The following ZNF785 variants were observed in gnomAD, a reference collection of about 807,000 sequenced individuals.
The protein encoded by ZNF785 is zinc finger protein 785.
In ZNF785, 15 loss-of-function variants were observed where a neutral mutation model predicts 11.3. The ratio of observed to expected loss-of-function variants is 1.32; its 90% CI spans 0.89 to 2.04. The LOEUF (loss-of-function observed/expected upper bound fraction) is 2.04. Ranked by LOEUF, ZNF785 falls within the 30% of genes most tolerant of loss-of-function variation. ZNF785 has a pLI of 0.00. For missense variants in ZNF785, 572 were observed against 560.9 expected (o/e 1.02, Z -0.20); for synonymous variants, 221 against 231.0 (o/e 0.96, Z 0.39).
At position 30,581,488 on chromosome 16, in the gene ZNF785, C is replaced by T. The variant is rs1284833234; in HGVS notation, c.*1072G>A. 5 of 150,970 alleles carry T rather than the reference C, an allele frequency of 3.3e-5. No homozygotes were observed. Among genetic ancestry groups the T allele is most frequent in the Admixed American group, 1.3e-4 (2 of 15,090 alleles). The allele number at this position is 150,970 out of a possible 1,614,324, so 9.4% of individuals were successfully genotyped here. ...AAAAAAAAAAAAAAAAAGAATCCTC[C>T]GGCATTATATCTCCAGCTACTGTGG... On this transcript the variant is annotated 3_prime_UTR_variant, in exon 3 of 3. Coordinates refer to ENST00000395216, the MANE Select transcript of ZNF785 (RefSeq NM_152458.7).
Position 30,585,555 on chromosome 16 carries a change from C to A in ZNF785, c.57G>T (p.Arg19=), listed in dbSNP as rs574721116. The A allele has an allele frequency of 2.5e-5, 39 of 1,559,960 alleles. No homozygotes were observed. Among genetic ancestry groups the A allele is most frequent in the Middle Eastern group, 1.7e-4 (1 of 6,004 alleles). The change falls in exon 1 of 3, where the codon CGG becomes CGT. Residue 19 remains arginine (R), a synonymous_variant. Coordinates refer to ENST00000395216, the MANE Select transcript of ZNF785 (RefSeq NM_152458.7). The surrounding 1 kb of genome is among the most constrained non-coding windows in gnomAD (Gnocchi z 4.0). ...CGCCCGGCCTGCTTTCCCTCGTCCT[C>A]CGGGGCCCGGCCTCCCCGGGTACGT... is the stretch of plus-strand genomic sequence containing the variant. ...PAHVPGEAGP[R]RTRESRPGAV...
In ZNF785 at chr16:30,582,539, G is replaced by T; in HGVS notation, c.*21C>A. 6.2e-7 allele frequency: 1 copy of T among 1,611,856 alleles called. No individual in the cohort carries two copies. The highest frequency in any genetic ancestry group is 1.1e-5 in the South Asian group (1 of 90,944). On this transcript the variant is annotated 3_prime_UTR_variant, in exon 3 of 3. Coordinates refer to ENST00000395216, the MANE Select transcript of ZNF785 (RefSeq NM_152458.7). ...GCCTCTTCCTCTCCAGGGAAACGCT[G>T]ACCAGTTTGTGTGAACGCCATCACC...
Position 30,585,146 on chromosome 16 carries a change from TG to T in ZNF785, c.309del (p.Phe103LeufsTer21). Reference sequence around the variant, plus strand: ...CCTGCTTCCTGTCCTTGGCCCCTGCTGAAAGCTGCAGAGCTCTCACCGTCGG... The same window carrying T: ...CCTGCTTCCTGTCCTTGGCCCCTGCTAAAGCTGCAGAGCTCTCACCGTCGG... The part of the protein sequence containing the change: ...QDPDGESSAA[F>X]SRGQGQEAGS... On this transcript the variant is annotated frameshift_variant, in exon 2 of 3. Coordinates refer to ENST00000395216, the MANE Select transcript of ZNF785 (RefSeq NM_152458.7). LOFTEE classifies it low-confidence loss of function (END_TRUNC). This position sits in a 1 kb window ranked among gnomAD's most constrained non-coding sequence, Gnocchi z 4.0. 6.2e-7 allele frequency: 1 copy of T among 1,613,490 alleles called. No homozygotes were observed. The highest frequency in any genetic ancestry group is 8.5e-7 in the Non-Finnish European group (1 of 1,179,542).
rs940561128 is a variant in ZNF785 at position 30,585,040 on chromosome 16, G to A, written c.334+82C>T. The A allele has an allele frequency of 7.9e-6, 12 of 1,522,048 alleles. No homozygotes were observed. The highest frequency in any genetic ancestry group is 3.6e-4 in the Middle Eastern group (2 of 5,536). 94.3% of individuals were successfully genotyped at this position (1,522,048 alleles called of 1,614,324 possible). ...CAGGGAGACAGGATGGGACTTTGGA[G>A]GGGGCAGCCTGCGCTGAGGATGTGA... On this transcript the variant is annotated intron_variant, in intron 2 of 2. Coordinates refer to ENST00000395216, the MANE Select transcript of ZNF785 (RefSeq NM_152458.7). The surrounding 1 kb of genome is among the most constrained non-coding windows in gnomAD (Gnocchi z 4.0).
At position 30,585,398 on chromosome 16, in the gene ZNF785, C is replaced by G. The variant is rs1234725328; in HGVS notation, c.205+9G>C. ...GACTGGGGGTCCCGGCCGGAGGGCC[C>G]GGCCTCACCCAGCGCGCCCAGGTGG... On this transcript the variant is annotated intron_variant, in intron 1 of 2. Transcript: ENST00000395216. The surrounding 1 kb of genome is among the most constrained non-coding windows in gnomAD (Gnocchi z 4.0). 1.3e-6 allele frequency: 2 copies of G among 1,581,228 alleles called. No individual in the cohort carries two copies. The highest frequency in any genetic ancestry group is 1.7e-6 in the Non-Finnish European group (2 of 1,165,354).
At position 30,583,076 on chromosome 16, in the gene ZNF785, C is replaced by T. The variant is rs1183826966; in HGVS notation, c.702G>A (p.Gly234=). The T allele has an allele frequency of 1.3e-6, 2 of 1,599,368 alleles. No homozygotes were observed. Among genetic ancestry groups the T allele is most frequent in the Non-Finnish European group, 1.7e-6 (2 of 1,175,222 alleles). The change falls in exon 3 of 3, where the codon GGG becomes GGA. Residue 234 remains glycine (G), a synonymous_variant. Transcript: ENST00000395216. ...GEKPYPCPDC[G]RRFRQRGSLA... is the part of the protein sequence containing the mutation. ...GGGAACCCCTCTGGCGGAAGCGGCG[C>T]CCGCAGTCGGGGCAGGGGTAGGGCT...
Position 30,585,602 on chromosome 16 carries a change from G to A in ZNF785, c.10C>T (p.Pro4Ser). 6.7e-7 allele frequency: 1 copy of A among 1,499,920 alleles called. No homozygotes were observed. The highest frequency in any genetic ancestry group is 1.3e-5 in the South Asian group (1 of 77,752). The allele number at this position is 1,499,920 out of a possible 1,614,324, so 92.9% of individuals were successfully genotyped here. A position where few individuals can be genotyped will look rare whatever the true frequency, so the allele number is the denominator to read the frequency against. Residue 4 changes from proline (P) to serine (S), a missense_variant, in exon 1 of 3, where the codon CCC becomes TCC. Transcript: ENST00000395216. This position sits in a 1 kb window ranked among gnomAD's most constrained non-coding sequence, Gnocchi z 4.0. ...ACGTGGGCCGGGCGCGGCGCCAGGG[G>A]CGGCCCCATGGGAAACCCTTTCTGC... is the stretch of plus-strand genomic sequence containing the variant. MGP[P>S]LAPRPAHVPG...
In ZNF785 at chr16:30,585,500, A is replaced by C. The variant is rs1380854318; in HGVS notation, c.112T>G (p.Phe38Val). Residue 38 changes from phenylalanine to valine, a missense_variant, in exon 1 of 3, where the codon TTC (phenylalanine) becomes GTC (valine). Transcript: ENST00000395216. This position sits in a 1 kb window ranked among gnomAD's most constrained non-coding sequence, Gnocchi z 4.0. ...AGGCATTCCCACTCCTCGGGAGAGA[A>C]GTACACGGCCACGTCCGCGAAGCTC... ...AVSFADVAVYFSPEEWECLRP... is the reference protein window; with the variant it reads ...AVSFADVAVYVSPEEWECLRP... 1 of 1,600,304 alleles carries C rather than the reference A, an allele frequency of 6.2e-7. No homozygotes were observed. Among genetic ancestry groups the C allele is most frequent in the Non-Finnish European group, 8.5e-7 (1 of 1,174,226 alleles).
downstream of ZNF785, chr16:30,579,751 C>T: frequency 2.2e-6 from 1 of 452,846 alleles, no homozygotes. Flanking sequence ...ATTTGAGTCA[C>T]TGACCACCAG....
Position 30,585,375 on chromosome 16 carries a change from C to G in ZNF785, c.205+32G>C. The stretch of plus-strand genomic sequence containing the variant: ...CCGATCACCGCTTCCCACCGACGGA[C>G]TGGGGGTCCCGGCCGGAGGGCCCGG... On this transcript the variant is annotated intron_variant, in intron 1 of 2. Coordinates refer to ENST00000395216, the MANE Select transcript of ZNF785 (RefSeq NM_152458.7). This position sits in a 1 kb window ranked among gnomAD's most constrained non-coding sequence, Gnocchi z 4.0. 1 of 1,573,872 alleles carries G rather than the reference C, an allele frequency of 6.4e-7. No individual in the cohort carries two copies. The highest frequency in any genetic ancestry group is 1.9e-5 in the Admixed American group (1 of 53,742).
chr16:30,581,450 ACT>A lies in ZNF785; in HGVS notation c.*1108_*1109del, dbSNP rs1194440625. Reference sequence around the variant, plus strand: ...ACTCCAGCCCAGGCAATAGAGACAGACTCTGTCTCAAAAAAAAAAAAAAAAAA... The same window carrying A: ...ACTCCAGCCCAGGCAATAGAGACAGACTGTCTCAAAAAAAAAAAAAAAAAA... On this transcript the variant is annotated 3_prime_UTR_variant, in exon 3 of 3. Transcript: ENST00000395216. 7.7e-6 allele frequency: 1 copy of A among 129,792 alleles called. No homozygotes were observed. Among genetic ancestry groups the A allele is most frequent in the Admixed American group, 8.9e-5 (1 of 11,224 alleles). The allele number at this position is 129,792 out of a possible 1,614,324, so 8.0% of individuals were successfully genotyped here. A position where few individuals can be genotyped will look rare whatever the true frequency, so the allele number is the denominator to read the frequency against.
Position 30,582,974 on chromosome 16 carries a change from G to A in ZNF785, c.804C>T (p.Pro268=). ...TGCGCTGGTGGATGGCCAGCAGGTAGGGGTAAGTGAAGCGACTCTTGCAGT... is the reference window on the plus strand; with the variant it reads ...TGCGCTGGTGGATGGCCAGCAGGTAAGGGTAAGTGAAGCGACTCTTGCAGT... ...CSDCKSRFTY[P]YLLAIHQRKH... The change falls in exon 3 of 3, where the codon CCC becomes CCT. Residue 268 remains proline (P), a synonymous_variant. Transcript: ENST00000395216. 1 of 1,613,810 alleles carries A rather than the reference G, an allele frequency of 6.2e-7. No individual in the cohort carries two copies. The highest frequency in any genetic ancestry group is 8.5e-7 in the Non-Finnish European group (1 of 1,179,770).
Position 30,582,737 on chromosome 16 carries a change from T to C in ZNF785, c.1041A>G (p.Lys347=). ...SRPFPCVECG[K]GFKRKTALEA... Reference sequence around the variant, plus strand: ...CCAGGGCGGTCTTGCGCTTGAAGCCTTTCCCACACTCCACGCAGGGGAAGG... The same window carrying C: ...CCAGGGCGGTCTTGCGCTTGAAGCCCTTCCCACACTCCACGCAGGGGAAGG... The change falls in exon 3 of 3, where the codon AAA becomes AAG. Residue 347 remains lysine (K), a synonymous_variant. Transcript: ENST00000395216. 1 of 1,610,574 alleles carries C rather than the reference T, an allele frequency of 6.2e-7. No homozygotes were observed. Among genetic ancestry groups the C allele is most frequent in the Non-Finnish European group, 8.5e-7 (1 of 1,177,464 alleles).
intron 2 of ZNF785, among the ~76,000 whole-genome samples, chr16:30,584,126 C>G (rs1157086506): frequency 6.6e-6 from 1 of 151,924 alleles, no homozygotes; most frequent in Non-Finnish European, 1.5e-5. Flanking sequence ...GCATGGGCGA[C>G]ACAGCAAGAC....
chr16:30,582,889 A>T lies in ZNF785; in HGVS notation c.889T>A (p.Ser297Thr). Reference sequence around the variant, plus strand: ...ATGCGCCTGTGGATGGCCAGCAGGGAGGTGTAGGCGAAACGGAGGCTGCAA... The same window carrying T: ...ATGCGCCTGTGGATGGCCAGCAGGGTGGTGTAGGCGAAACGGAGGCTGCAA... ...PDCSLRFAYT[S>T]LLAIHRRIHT... The change falls in exon 3 of 3, where the codon TCC becomes ACC. Residue 297 changes from serine to threonine, a missense_variant. By Grantham distance (58) the Ser-to-Thr change is moderately conservative. Transcript: ENST00000395216. 2.5e-6 allele frequency: 4 copies of T among 1,600,392 alleles called. No homozygotes were observed. The highest frequency in any genetic ancestry group is 3.4e-6 in the Non-Finnish European group (4 of 1,176,236).
Position 30,582,463 on chromosome 16 carries a change from T to G in ZNF785, c.*97A>C, listed in dbSNP as rs191599055. The G allele has an allele frequency of 7.0e-4, 1,060 of 1,520,224 alleles. 5 individuals carry two copies. In the African/African-American group the frequency reaches 0.013, roughly 18 times the overall value. 94.2% of individuals were successfully genotyped at this position (1,520,224 alleles called of 1,614,324 possible). A position where few individuals can be genotyped will look rare whatever the true frequency, so the allele number is the denominator to read the frequency against. ...GCTTTTTACCTAAGGCAGAACTTTG[T>G]TTTCCTCAAACGCCCACTTCCTTTC... On this transcript the variant is annotated 3_prime_UTR_variant, in exon 3 of 3. Coordinates refer to ENST00000395216, the MANE Select transcript of ZNF785 (RefSeq NM_152458.7).
At position 30,581,783 on chromosome 16, in the gene ZNF785, C is replaced by CA. The variant is rs1311175328; in HGVS notation, c.*776dup. On this transcript the variant is annotated 3_prime_UTR_variant, in exon 3 of 3. Transcript: ENST00000395216. ...GTCTCCTTGCCAGATGTTTCACCTG[C>CA]ATTGGTAAAAGGCAGAATCCTCGGC... 6.6e-6 allele frequency: 1 copy of CA among 152,186 alleles called. No homozygotes were observed. Among genetic ancestry groups the CA allele is most frequent in the Non-Finnish European group, 1.5e-5 (1 of 68,054 alleles). The allele number at this position is 152,186 out of a possible 1,614,324, so 9.4% of individuals were successfully genotyped here.
rs151125784 is a variant in ZNF785, at chr16:30,583,662, G to A, written c.335-219C>T. On this transcript the variant is annotated intron_variant, in intron 2 of 2. Coordinates refer to ENST00000395216, the MANE Select transcript of ZNF785 (RefSeq NM_152458.7). Reference sequence around the variant, plus strand: ...TAAAAGCAAATGCCATGGTCTGCAGGTTAACACAAGAAGGCCCTGAGCACT... The same window carrying A: ...TAAAAGCAAATGCCATGGTCTGCAGATTAACACAAGAAGGCCCTGAGCACT... The A allele has an allele frequency of 5.4e-4, 285 of 524,950 alleles. 2 individuals carry two copies. The highest frequency in any genetic ancestry group is 4.8e-3 in the African/African-American group (249 of 51,908). The allele number at this position is 524,950 out of a possible 1,614,324, so 32.5% of individuals were successfully genotyped here. A position where few individuals can be genotyped will look rare whatever the true frequency, so the allele number is the denominator to read the frequency against.
chr16:30,585,646 C>T lies in ZNF785; in HGVS notation c.-35G>A. On this transcript the variant is annotated 5_prime_UTR_variant, in exon 1 of 3. Transcript: ENST00000395216. The surrounding 1 kb of genome is among the most constrained non-coding windows in gnomAD (Gnocchi z 4.0). Reference sequence around the variant, plus strand: ...TTTCTGCCTGGCAAAGGGAGGCTTCCGGGGAAGGTGGAGATGCTGGCGCTT... The same window carrying T: ...TTTCTGCCTGGCAAAGGGAGGCTTCTGGGGAAGGTGGAGATGCTGGCGCTT... 6.9e-7 allele frequency: 1 copy of T among 1,450,814 alleles called. No individual in the cohort carries two copies. The highest frequency in any genetic ancestry group is 9.0e-7 in the Non-Finnish European group (1 of 1,109,708). 89.9% of individuals were successfully genotyped at this position (1,450,814 alleles called of 1,614,324 possible). A position where few individuals can be genotyped will look rare whatever the true frequency, so the allele number is the denominator to read the frequency against.
Sources: allele counts gnomAD v4.1 joint callset (sites outside exome capture counted in the v4.1 genomes callset), GRCh38; gene constraint gnomAD v4.1.1; non-coding constraint Gnocchi (gnomAD v3.1); transcripts MANE v1.5; gene names NCBI Gene and HGNC (gene_info 2026-07-23, HGNC 2026-07-21).